SMS: variants seen among roughly 807,000 people sequenced by gnomAD.
The protein encoded by SMS is spermidine aminopropyltransferase.
SMS carries 3 observed loss-of-function variants against 33.0 expected under a neutral mutation model. The ratio of observed to expected loss-of-function variants is 0.09; its 90% CI spans 0.04 to 0.23. The LOEUF is 0.23. Among genes scored for constraint, SMS ranks in the 10% least tolerant of loss-of-function variants. SMS has a pLI of 1.00. For synonymous variants in SMS, 103 were observed against 112.2 expected (o/e 0.92, Z 0.52); for missense variants, 117 against 288.6 (o/e 0.41, Z 4.31).
chrX:21,982,704 G>T (rs1474718177), intron 7 of SMS, among the ~76,000 whole-genome samples: 4 of 112,428 alleles, frequency 3.6e-5, no homozygotes, highest in Non-Finnish European at 5.6e-5. Flanking sequence ...AGAGATGTTG[G>T]GTGAAATGTT....
At chrX:21,984,458 T>G (rs759345355) in intron 8 of SMS, 40 bp downstream of exon 8, 13 of 838,672 alleles carry the variant, frequency 1.6e-5, no homozygotes, top group Non-Finnish European at 2.0e-5. Flanking sequence ...TGGAAATGTT[T>G]CTCTTGGCAC....
At chrX:21,977,000 C>G (rs1203623315) in intron 4 of SMS, 61 bp from the exon 5 acceptor site, 7 of 1,076,128 alleles carry the variant, frequency 6.5e-6, no homozygotes, top group African/African-American at 1.8e-5. Context: ...ACTCTTCATC[C>G]TAGCTCCACT....
intron 7 of SMS, among the ~76,000 whole-genome samples, chrX:21,979,921 G>A (rs1219866304): frequency 2.2e-5 from 2 of 92,887 alleles, no homozygotes; most frequent in Admixed American, 2.5e-4. Flanking sequence ...GCTGCAGAGC[G>A]AGAATGTCTC....
At chrX:21,975,197 G>T (rs1445394986) in intron 4 of SMS, among the ~76,000 whole-genome samples, 1 of 110,835 alleles carries the variant, frequency 9.0e-6, no homozygotes, top group Admixed American at 9.6e-5. Flanking sequence ...AGTTTGGTAG[G>T]GTGCTCTACA....
intron 1 of SMS, among the ~76,000 whole-genome samples, chrX:21,944,537 A>G (rs908139181): frequency 3.9e-5 from 4 of 103,892 alleles, no homozygotes; most frequent in Admixed American, 1.1e-4. Flanking sequence ...AAAAAAAAAA[A>G]AAAAAAAAGA....
chrX:21,959,795 A>G (rs1923211572), intron 1 of SMS: 1 of 228,180 alleles, frequency 4.4e-6, no homozygotes, highest in South Asian at 2.0e-4. Context: ...ATCTGACGTT[A>G]GGATCTGGGG....
At chrX:21,945,870 G>A (rs1029717274) in intron 1 of SMS, among the ~76,000 whole-genome samples, 5 of 110,826 alleles carry the variant, frequency 4.5e-5, no homozygotes, top group Non-Finnish European at 7.5e-5. Flanking sequence ...TGATCCACCC[G>A]CATTGGCCTC....
At chrX:21,966,127 C>T (rs976220527) in intron 1 of SMS, among the ~76,000 whole-genome samples, 16 of 112,150 alleles carry the variant, frequency 1.4e-4, no homozygotes, top group African/African-American at 3.2e-5. Flanking sequence ...GTTCTAGTTT[C>T]GGCACTACTT....
chrX:21,967,929 T>C (rs1923859729), intron 2 of SMS, among the ~76,000 whole-genome samples: 1 of 112,341 alleles, frequency 8.9e-6, no homozygotes, highest in Non-Finnish European at 1.9e-5. Context: ...AGATTTACCA[T>C]AGGAAGCTGC....
chrX:21,988,321 C>A (rs775608789), intron 9 of SMS, among the ~76,000 whole-genome samples: 1 of 111,181 alleles, frequency 9.0e-6, no homozygotes, highest in South Asian at 3.7e-4. Flanking sequence ...TAGGAGGTAA[C>A]CCAGATTCTT....
intron 1 of SMS, among the ~76,000 whole-genome samples, chrX:21,942,299 G>A (rs969270809): frequency 5.4e-5 from 6 of 111,517 alleles, no homozygotes; most frequent in African/African-American, 2.0e-4. Context: ...ACAAGATCTA[G>A]TGAAGACTGA....
intron 1 of SMS, among the ~76,000 whole-genome samples, chrX:21,962,482 G>T (rs1416683172): frequency 9.0e-6 from 1 of 111,373 alleles, no homozygotes; most frequent in Non-Finnish European, 1.9e-5. Flanking sequence ...ATGGTAGGGG[G>T]TTTCTTTTCC....
intron 2 of SMS, among the ~76,000 whole-genome samples, chrX:21,971,076 G>T (rs1027279572): frequency 1.2e-4 from 13 of 109,040 alleles, no homozygotes; most frequent in Non-Finnish European, 1.5e-4. Flanking sequence ...CACGCCTGTG[G>T]TCCCAGCTAC....
At chrX:21,954,346 C>T (rs779454501) in intron 1 of SMS, among the ~76,000 whole-genome samples, 6 of 111,821 alleles carry the variant, frequency 5.4e-5, no homozygotes, top group African/African-American at 2.0e-4. Context: ...TGCTTTACCA[C>T]GTGGCCCTTT....
intron 9 of SMS, among the ~76,000 whole-genome samples, chrX:21,989,868 G>A (rs181825663): frequency 9.4e-4 from 104 of 110,601 alleles, no homozygotes; most frequent in African/African-American, 2.6e-3. Flanking sequence ...TCAGCCTTCC[G>A]AGTAGCTGGG....
chrX:21,965,059 T>C (rs1923606168), intron 1 of SMS, among the ~76,000 whole-genome samples: 1 of 111,387 alleles, frequency 9.0e-6, no homozygotes, highest in Non-Finnish European at 1.9e-5. Context: ...GCCTCCGTCT[T>C]ATGTCACCTG....
At chrX:21,990,908 G>C (rs1439387166) in intron 9 of SMS, among the ~76,000 whole-genome samples, 2 of 112,461 alleles carry the variant, frequency 1.8e-5, no homozygotes, top group Non-Finnish European at 3.8e-5. Flanking sequence ...CTGGCGAAGG[G>C]CACTTTGGCC....
At chrX:21,956,307 C>G (rs1031553033) in intron 1 of SMS, among the ~76,000 whole-genome samples, 18 of 111,883 alleles carry the variant, frequency 1.6e-4, no homozygotes, top group African/African-American at 5.2e-4. Flanking sequence ...TTTCACGCCA[C>G]TGTCTCTGTT....
chrX:21,962,396 A>G (rs1321903796), intron 1 of SMS, among the ~76,000 whole-genome samples: 10 of 112,182 alleles, frequency 8.9e-5, no homozygotes, highest in African/African-American at 3.2e-4. Flanking sequence ...GTTAGTAAAG[A>G]GTTCTAACTT....
Sources: gnomAD v4.1 joint callset for allele counts (sites outside exome capture counted in the v4.1 genomes callset) on GRCh38, gnomAD v4.1.1 for gene constraint, MANE v1.5 for transcripts, NCBI Gene and HGNC (gene_info 2026-07-23, HGNC 2026-07-21) for gene names.